Variants in OSBPL6 observed in about 807,000 individuals in gnomAD.
OSBPL6 encodes the protein oxysterol-binding protein-related protein 6.
A neutral mutation model predicts 125.8 loss-of-function variants in OSBPL6; 49 were observed. The ratio of observed to expected loss-of-function variants is 0.39; its 90% confidence interval spans 0.31 to 0.49. OSBPL6 has a LOEUF of 0.49. Among genes scored for constraint, OSBPL6 ranks in the 20% least tolerant of loss-of-function variants. The pLI, the probability that OSBPL6 is intolerant of heterozygous loss-of-function variation, is 0.88. For synonymous variants in OSBPL6, 394 were observed against 391.8 expected (o/e 1.01, Z -0.07); for missense variants, 986 against 1,135.4 (o/e 0.87, Z 1.89).
At chr2:178,286,113 C>A (rs1684674105) in intron 2 of OSBPL6, among the ~76,000 whole-genome samples, 1 of 152,168 alleles carries the variant, frequency 6.6e-6, no homozygotes, top group Admixed American at 6.5e-5. Context: ...TTTTTGCTAA[C>A]ATTTTTTAAC....
chr2:178,346,971 T>C (rs1389180571), intron 11 of OSBPL6, among the ~76,000 whole-genome samples: 1 of 152,220 alleles, frequency 6.6e-6, no homozygotes, highest in Non-Finnish European at 1.5e-5. Flanking sequence ...GAATGGAACA[T>C]TCAAGTCTCT....
intron 1 of OSBPL6, among the ~76,000 whole-genome samples, chr2:178,237,234 A>C (rs1008223729): frequency 6.6e-6 from 1 of 152,150 alleles, no homozygotes; most frequent in African/African-American, 2.4e-5. Context: ...GGGCTGTTCC[A>C]AGTGTTTTCC....
chr2:178,361,935 A>C (rs561410950), intron 13 of OSBPL6, 120 bp downstream of exon 13: 335 of 1,212,376 alleles, frequency 2.8e-4, no homozygotes, highest in Non-Finnish European at 3.7e-4. Flanking sequence ...CAGTTTGCAG[A>C]ATTTCCCCCA....
intron 15 of OSBPL6, among the ~76,000 whole-genome samples, chr2:178,377,206 C>T (rs1031597170): frequency 2.0e-5 from 3 of 152,236 alleles, no homozygotes; most frequent in Admixed American, 1.3e-4. Flanking sequence ...CTGGCATCTG[C>T]TTAGCTTCAG....
intron 1 of OSBPL6, among the ~76,000 whole-genome samples, chr2:178,213,641 A>T (rs2153958734): frequency 6.6e-6 from 1 of 152,330 alleles, no homozygotes; most frequent in South Asian, 2.1e-4. Flanking sequence ...AAGTCTGATC[A>T]TGTCACTATG....
At chr2:178,352,259 A>T (rs987375005) in intron 12 of OSBPL6, among the ~76,000 whole-genome samples, 1 of 152,150 alleles carries the variant, frequency 6.6e-6, no homozygotes, top group African/African-American at 2.4e-5. Flanking sequence ...CAGCCCACAG[A>T]GGGTGGGCCA....
At chr2:178,267,490 G>GA (rs1411458764) in intron 1 of OSBPL6, among the ~76,000 whole-genome samples, 4 of 151,520 alleles carry the variant, frequency 2.6e-5, no homozygotes, top group Non-Finnish European at 5.9e-5. Flanking sequence ...AAAGAAAACT[G>GA]AAAATAACAA....
chr2:178,279,683 C>T (rs1683939779), intron 1 of OSBPL6, among the ~76,000 whole-genome samples: 2 of 152,186 alleles, frequency 1.3e-5, no homozygotes, highest in Admixed American at 1.3e-4. Context: ...CACACGCATG[C>T]ACGCCAATTT....
In OSBPL6 at chr2:178,218,984, C is replaced by CT. The variant is rs977376549; in HGVS notation, c.-351+24319dup. Among the ~76,000 whole-genome samples, 23 of 151,192 alleles carry CT rather than the reference C, an allele frequency of 1.5e-4. No homozygotes were observed. The South Asian group carries it at 2.3e-3, about 15-fold the overall frequency. On this transcript the variant is annotated intron_variant, in intron 1 of 24. Transcript: ENST00000190611. ...TTTACCTCTTGTACATAATTCTTTG[C>CT]TTTTTTTTTATTCTCTCCACTCCTG...
At chr2:178,238,512 T>C (rs1296575842) in intron 1 of OSBPL6, among the ~76,000 whole-genome samples, 1 of 152,154 alleles carries the variant, frequency 6.6e-6, no homozygotes, top group East Asian at 1.9e-4. Context: ...AGATGAAAGT[T>C]CTTGATTTAA....
chr2:178,235,406 T>A (rs1402538028), intron 1 of OSBPL6, among the ~76,000 whole-genome samples: 1 of 47,440 alleles, frequency 2.1e-5, no homozygotes, highest in Non-Finnish European at 3.8e-5. Flanking sequence ...TTCTTTTTTT[T>A]TTTTTTTTTT....
Position 178,401,209 on chromosome 2 carries a change from G to A in OSBPL6, c.*5650G>A, listed in dbSNP as rs927767690. 6.6e-6 allele frequency: 1 copy of A among 152,190 alleles called. No individual in the cohort carries two copies. The highest frequency in any genetic ancestry group is 1.5e-5 in the Non-Finnish European group (1 of 68,040). The allele number at this position is 152,190 out of a possible 1,614,324, so 9.4% of individuals were successfully genotyped here. On this transcript the variant is annotated 3_prime_UTR_variant, in exon 25 of 25. Transcript: ENST00000190611. ...GTCGGTATCCAGAATGACTGCTCTT[G>A]AAATGATATTTTGATGATGATGATC...
intron 1 of OSBPL6, among the ~76,000 whole-genome samples, chr2:178,206,602 TTTTTGTTTTG>T (rs773416029): frequency 1.3e-5 from 2 of 152,138 alleles, no homozygotes; most frequent in Non-Finnish European, 2.9e-5. Context: ...ACAGGAGGTT[TTTTTGTTTTG>T]TTTTGTTTTG....
At chr2:178,307,271 A>G (rs1686849538) in intron 3 of OSBPL6, among the ~76,000 whole-genome samples, 1 of 152,056 alleles carries the variant, frequency 6.6e-6, no homozygotes, top group Non-Finnish European at 1.5e-5. Flanking sequence ...AAATGAATTC[A>G]TTTTCGATAG....
At chr2:178,360,361 G>A (rs552767717) in intron 12 of OSBPL6, among the ~76,000 whole-genome samples, 1 of 152,226 alleles carries the variant, frequency 6.6e-6, no homozygotes, top group Non-Finnish European at 1.5e-5. Flanking sequence ...AGCTGTTCTT[G>A]CCACAGCGCG....
intron 2 of OSBPL6, among the ~76,000 whole-genome samples, chr2:178,291,829 T>TCCATC (rs61197503): frequency 0.24 from 26,633 of 109,016 alleles, 3,077 homozygotes; most frequent in East Asian, 0.54. Context: ...ATCCATCCAT[T>TCCATC]CATCCTTGAT....
At chr2:178,251,357 G>A (rs1334530169) in intron 1 of OSBPL6, among the ~76,000 whole-genome samples, 1 of 150,888 alleles carries the variant, frequency 6.6e-6, no homozygotes, top group Non-Finnish European at 1.5e-5. Context: ...GGTTACTATG[G>A]TTCTTTTTTT....
intron 4 of OSBPL6, among the ~76,000 whole-genome samples, chr2:178,324,897 G>A (rs1688560544): frequency 6.6e-6 from 1 of 152,162 alleles, no homozygotes; most frequent in African/African-American, 2.4e-5. Context: ...AAGCTGCAAG[G>A]TAAAATAGAA....
At chr2:178,351,079 A>C (rs1336245890) in intron 12 of OSBPL6, among the ~76,000 whole-genome samples, 1 of 152,190 alleles carries the variant, frequency 6.6e-6, no homozygotes, top group Non-Finnish European at 1.5e-5. Flanking sequence ...TAGGTATAGA[A>C]GGAAAGTTTC....
Sources: allele counts gnomAD v4.1 joint callset (sites outside exome capture counted in the v4.1 genomes callset), GRCh38; gene constraint gnomAD v4.1.1; transcripts MANE v1.5; gene names NCBI Gene and HGNC (gene_info 2026-07-23, HGNC 2026-07-21).